DTX4: variants seen among roughly 807,000 people sequenced by gnomAD.
DTX4 encodes the protein deltex E3 ubiquitin ligase 4.
DTX4 carries 28 observed loss-of-function variants against 57.6 expected under a neutral mutation model. That is an observed-to-expected ratio of 0.49 (90% CI 0.36 to 0.67). The LOEUF (loss-of-function observed/expected upper bound fraction) is 0.67, where lower values mean the gene tolerates loss of function less well. Among genes scored for constraint, DTX4 ranks in the 30% least tolerant of loss-of-function variants. The pLI, the probability that DTX4 is intolerant of heterozygous loss-of-function variation, is 0.00. For synonymous variants in DTX4, 316 were observed against 331.0 expected (o/e 0.95, Z 0.49); for missense variants, 715 against 836.8 (o/e 0.85, Z 1.80).
Position 59,205,179 on chromosome 11 carries a change from G to A in DTX4, c.*270G>A, listed in dbSNP as rs981298363. The A allele has an allele frequency of 1.4e-5, 6 of 423,790 alleles. No individual in the cohort carries two copies. Among genetic ancestry groups the A allele is most frequent in the African/African-American group, 6.0e-5 (3 of 50,106 alleles). The allele number at this position is 423,790 out of a possible 1,614,324, so 26.3% of individuals were successfully genotyped here. On this transcript the variant is annotated 3_prime_UTR_variant, in exon 9 of 9. Transcript: ENST00000227451. ...TGGAGTTTTTGGTGCTGGGTAGGCA[G>A]GAATCCCCTCCCTACCCCACCTCCC...
At chr11:59,199,325 A>G (rs541467292) in intron 7 of DTX4, among the ~76,000 whole-genome samples, 4 of 152,336 alleles carry the variant, frequency 2.6e-5, no homozygotes, top group South Asian at 2.1e-4. Flanking sequence ...ATGATGGACA[A>G]TGATGTTAAA....
At position 59,207,827 on chromosome 11, in the gene DTX4, T is replaced by G. The variant is rs1189305669; in HGVS notation, c.*2918T>G. ...GGTTAATTGTGTATTTGTGGCTGCG[T>G]GTGCCTTTGTGTTTTCATTCTCTTC... is the stretch of plus-strand genomic sequence containing the variant. On this transcript the variant is annotated 3_prime_UTR_variant, in exon 9 of 9. Transcript: ENST00000227451. 6.5e-6 allele frequency: 1 copy of G among 152,696 alleles called. No individual in the cohort carries two copies. Among genetic ancestry groups the G allele is most frequent in the African/African-American group, 2.4e-5 (1 of 41,440 alleles). The allele number at this position is 152,696 out of a possible 1,614,324, so 9.5% of individuals were successfully genotyped here.
chr11:59,197,267 TG>T lies in DTX4; in HGVS notation c.1536+1899del, dbSNP rs377543211. Among the ~76,000 whole-genome samples the T allele has an allele frequency of 1.6e-3, 250 of 152,214 alleles. 1 individual carries two copies. The highest frequency in any genetic ancestry group is 5.7e-3 in the African/African-American group (238 of 41,520). ...GGAAGGGTTAGAGGAGACTTTCTAG[TG>T]CAGGGAATTGTCTAGTTGAGTCTAG... On this transcript the variant is annotated intron_variant, in intron 7 of 8. Transcript: ENST00000227451.
chr11:59,204,745 G>T lies in DTX4; in HGVS notation c.1696G>T (p.Gly566Cys). The change falls in exon 9 of 9, where the codon GGC becomes TGC. Residue 566 changes from glycine to cysteine, a missense_variant. Gly to Cys is a radical substitution (Grantham distance 159, BLOSUM62 -3). Coordinates refer to ENST00000227451, the MANE Select transcript of DTX4 (RefSeq NM_015177.2). ...IFAIGTSSTT[G>C]ESDTVIWNEV... Reference sequence around the variant, plus strand: ...TGCCATTGGCACCTCCAGCACCACAGGCGAGTCAGACACCGTCATCTGGAA... The same window carrying T: ...TGCCATTGGCACCTCCAGCACCACATGCGAGTCAGACACCGTCATCTGGAA... 1 of 1,613,776 alleles carries T rather than the reference G, an allele frequency of 6.2e-7. No homozygotes were observed. Among genetic ancestry groups the T allele is most frequent in the Non-Finnish European group, 8.5e-7 (1 of 1,179,812 alleles).
At chr11:59,191,250 T>A in intron 5 of DTX4, 75 bp downstream of exon 5, 1 of 1,442,276 alleles carries the variant, frequency 6.9e-7, no homozygotes, top group Non-Finnish European at 9.5e-7. Context: ...TGTTGGTTTC[T>A]ACAGGATATG....
chr11:59,188,977 G>A (rs1009910669), intron 3 of DTX4, among the ~76,000 whole-genome samples, 181 bp downstream of exon 3: 1 of 152,266 alleles, frequency 6.6e-6, no homozygotes, highest in Admixed American at 6.5e-5. Context: ...TAAAAGGAAA[G>A]CATGCAATTG....
intron 2 of DTX4, among the ~76,000 whole-genome samples, chr11:59,186,207 G>A (rs542216106): frequency 1.3e-5 from 2 of 152,172 alleles, no homozygotes; most frequent in South Asian, 4.1e-4. Context: ...TGTGTCCCAG[G>A]TCCACATGCG....
intron 1 of DTX4, 76 bp from the exon 2 acceptor site, chr11:59,181,663 G>A (rs1862462918): frequency 1.3e-6 from 2 of 1,524,842 alleles, no homozygotes; most frequent in Non-Finnish European, 1.8e-6. Flanking sequence ...TATGGCAATG[G>A]CATGACTTGT....
intron 1 of DTX4, among the ~76,000 whole-genome samples, chr11:59,179,439 T>C (rs1233194246): frequency 6.6e-6 from 1 of 152,240 alleles, no homozygotes; most frequent in African/African-American, 2.4e-5. Context: ...TGATTCTTTC[T>C]GAATAATGCC....
At chr11:59,186,667 T>G (rs1339055250) in intron 2 of DTX4, among the ~76,000 whole-genome samples, 2 of 152,164 alleles carry the variant, frequency 1.3e-5, no homozygotes, top group African/African-American at 4.8e-5. Flanking sequence ...ATGGGGAAAT[T>G]GAGGCTCAGA....
intron 1 of DTX4, among the ~76,000 whole-genome samples, chr11:59,179,861 A>G (rs1449185600): frequency 1.3e-5 from 2 of 152,106 alleles, no homozygotes; most frequent in East Asian, 3.9e-4. Flanking sequence ...TCAGTTATAT[A>G]GAAACTTTTT....
chr11:59,195,909 T>TGCA (rs1862661830), intron 7 of DTX4, among the ~76,000 whole-genome samples: 1 of 152,268 alleles, frequency 6.6e-6, no homozygotes. Context: ...AAACGGTATT[T>TGCA]GCACTTGTAA....
At chr11:59,192,296 C>T (rs113471609) in intron 6 of DTX4, 46 bp downstream of exon 6, 1 of 1,609,956 alleles carries the variant, frequency 6.2e-7, no homozygotes, top group African/African-American at 1.3e-5. Context: ...ACACTGGGCT[C>T]TGGAGTAGCA....
intron 7 of DTX4, among the ~76,000 whole-genome samples, chr11:59,197,458 T>A (rs1454721104): frequency 6.6e-6 from 1 of 152,034 alleles, no homozygotes; most frequent in Non-Finnish European, 1.5e-5. Flanking sequence ...GGGAGAAGAC[T>A]AGGCCGTGAG....
intron 1 of DTX4, among the ~76,000 whole-genome samples, chr11:59,174,890 TTCATCCGC>T (rs1862376808): frequency 2.0e-5 from 3 of 152,168 alleles, no homozygotes; most frequent in Admixed American, 2.0e-4. Flanking sequence ...CTGCTGTGGT[TTCATCCGC>T]TCATTGCTAG....
chr11:59,193,878 C>T (rs1274615593), intron 6 of DTX4, among the ~76,000 whole-genome samples: 8 of 152,228 alleles, frequency 5.3e-5, no homozygotes, highest in African/African-American at 1.4e-4. Context: ...CAGAGGATCC[C>T]TGTCTTCCCG....
In DTX4 at chr11:59,204,819, C is replaced by G; in HGVS notation, c.1770C>G (p.Gly590=). 1 of 1,611,820 alleles carries G rather than the reference C, an allele frequency of 6.2e-7. No homozygotes were observed. The highest frequency in any genetic ancestry group is 8.5e-7 in the Non-Finnish European group (1 of 1,178,872). The change falls in exon 9 of 9, where the codon GGC becomes GGG. Residue 590 remains glycine, a synonymous_variant. Transcript: ENST00000227451. ...TEFGSNLTGH[G]YPDANYLDNV... ...TTGGCTCTAATCTCACTGGCCATGGCTACCCAGATGCCAATTACCTGGATA... is the reference window on the plus strand; with the variant it reads ...TTGGCTCTAATCTCACTGGCCATGGGTACCCAGATGCCAATTACCTGGATA...
rs149080224 is a variant in DTX4 at position 59,180,926 on chromosome 11, A to C, written c.212-813A>C. 2.2e-3 allele frequency among the ~76,000 whole-genome samples: 340 copies of C among 152,356 alleles called. 2 individuals carry two copies. Among genetic ancestry groups the C allele is most frequent in the Non-Finnish European group, 4.4e-3 (298 of 68,038 alleles). ...ATCAGATAAATATAAAATTATTCTC[A>C]TGACCATTGAGAATGTTACTTTTGC... is the stretch of plus-strand genomic sequence containing the variant. On this transcript the variant is annotated intron_variant, in intron 1 of 8. Coordinates refer to ENST00000227451, the MANE Select transcript of DTX4 (RefSeq NM_015177.2).
intron 1 of DTX4, among the ~76,000 whole-genome samples, chr11:59,177,622 C>A (rs960362326): frequency 1.3e-5 from 2 of 152,138 alleles, no homozygotes; most frequent in Non-Finnish European, 2.9e-5. Context: ...TTCTTCTATG[C>A]CTTATATTTC....
Sources: allele counts gnomAD v4.1 joint callset (sites outside exome capture counted in the v4.1 genomes callset), GRCh38; gene constraint gnomAD v4.1.1; transcripts MANE v1.5; gene names NCBI Gene and HGNC (gene_info 2026-07-23, HGNC 2026-07-21).